The following ST7 variants were observed in gnomAD, a reference collection of about 807,000 sequenced individuals.
ST7 encodes suppression of tumorigenicity 7.
In ST7, 28 loss-of-function variants were observed where a neutral mutation model predicts 78.7. That is an observed-to-expected ratio of 0.36 (90% CI 0.26 to 0.49). The LOEUF is 0.49. ST7 is among the 20% of genes least tolerant of loss of function. ST7 has a pLI of 0.99. For synonymous variants in ST7, 247 were observed against 249.6 expected (o/e 0.99, Z 0.10); for missense variants, 418 against 696.0 (o/e 0.60, Z 4.49).
chr7:117,168,180 C>T (rs1377675781), intron 9 of ST7, among the ~76,000 whole-genome samples: 1 of 152,196 alleles, frequency 6.6e-6, no homozygotes, highest in Non-Finnish European at 1.5e-5. Context: ...ACACAGTATA[C>T]TCTGTCCAAG....
At chr7:117,116,200 A>G (rs1802870584) in intron 2 of ST7, among the ~76,000 whole-genome samples, 1 of 152,124 alleles carries the variant, frequency 6.6e-6, no homozygotes. Context: ...AGCGCAGGAG[A>G]GGTTAAGTTT....
chr7:117,089,641 G>A (rs1432818301), intron 1 of ST7, among the ~76,000 whole-genome samples: 4 of 149,032 alleles, frequency 2.7e-5, no homozygotes, highest in Admixed American at 1.3e-4. Flanking sequence ...GCGCGATCTC[G>A]GCTCACTGCA....
chr7:117,071,111 C>T (rs111984099), intron 1 of ST7, among the ~76,000 whole-genome samples: 2,194 of 151,860 alleles, frequency 0.014, 52 homozygotes, highest in African/African-American at 0.049. Flanking sequence ...CCCAGCTACT[C>T]GGGAGGCTGA....
In ST7 at chr7:117,062,673, T is replaced by C. The variant is rs143518193; in HGVS notation, c.152-37089T>C. ...AAATTTATGAGGTCTCCTTAAAAGA[T>C]ATAATCATTAATACAATAGTTTATC... On this transcript the variant is annotated intron_variant, in intron 1 of 15. Transcript: ENST00000323984. 4.2e-3 allele frequency among the ~76,000 whole-genome samples: 636 copies of C among 152,346 alleles called. 4 individuals carry two copies. Among genetic ancestry groups the C allele is most frequent in the Non-Finnish European group, 5.7e-3 (385 of 68,030 alleles).
chr7:117,213,208 G>A lies in ST7; in HGVS notation c.1405+3271G>A, dbSNP rs541800308. On this transcript the variant is annotated intron_variant, in intron 13 of 15. Transcript: ENST00000323984. ...ATTGTACCACTTGGTGGTGCCTTTT[G>A]ACATCTCCAGCCTCATAGTTTAGGT... Among the ~76,000 whole-genome samples the A allele has an allele frequency of 9.8e-4, 149 of 152,274 alleles. 5 individuals are homozygous for A. The South Asian group carries it at 0.019, about 20-fold the overall frequency.
chr7:116,978,471 A>C (rs912822460), intron 1 of ST7, among the ~76,000 whole-genome samples: 1 of 152,236 alleles, frequency 6.6e-6, no homozygotes, highest in Admixed American at 6.5e-5. Flanking sequence ...TAGTGGGATA[A>C]ATTAAATGCT....
At chr7:116,968,564 G>C in intron 1 of ST7, 1 of 338,674 alleles carries the variant, frequency 3.0e-6, no homozygotes, top group South Asian at 2.5e-5. Context: ...TAAATTCATT[G>C]AGTCATACTA....
chr7:117,079,598 C>G (rs1172670624), intron 1 of ST7, among the ~76,000 whole-genome samples: 1 of 152,126 alleles, frequency 6.6e-6, no homozygotes, highest in Non-Finnish European at 1.5e-5. Context: ...CTTGTTTTAA[C>G]TGAAATAAAA....
At chr7:116,993,027 C>T (rs1390535220) in intron 1 of ST7, among the ~76,000 whole-genome samples, 2 of 152,206 alleles carry the variant, frequency 1.3e-5, no homozygotes, top group South Asian at 2.1e-4. Context: ...TTGTCCATAT[C>T]GCTATCAGCA....
chr7:116,990,184 C>T (rs1320967029), intron 1 of ST7, among the ~76,000 whole-genome samples: 1 of 152,180 alleles, frequency 6.6e-6, no homozygotes, highest in Non-Finnish European at 1.5e-5. Flanking sequence ...GATCCACCTG[C>T]CTTGGCCTCC....
In ST7 at chr7:117,071,229, A is replaced by G. The variant is rs190491886; in HGVS notation, c.152-28533A>G. ...CAGAGCGAGACTCCGTCTCAAAACA[A>G]AAACAAAAACAAAAACAAAACAAAC... On this transcript the variant is annotated intron_variant, in intron 1 of 15. Coordinates refer to ENST00000323984, the MANE Select transcript of ST7 (RefSeq NM_001369598.1). Among the ~76,000 whole-genome samples, 781 of 151,514 alleles carry G rather than the reference A, an allele frequency of 5.2e-3. 5 individuals are homozygous for G. Among genetic ancestry groups the G allele is most frequent in the African/African-American group, 0.018 (741 of 40,866 alleles).
At chr7:117,092,002 G>A (rs1373800693) in intron 1 of ST7, among the ~76,000 whole-genome samples, 3 of 152,108 alleles carry the variant, frequency 2.0e-5, no homozygotes, top group Non-Finnish European at 2.9e-5. Context: ...TGTGGTCCAC[G>A]TGGCCACTTC....
chr7:117,183,661 T>C (rs1204471546), intron 10 of ST7, among the ~76,000 whole-genome samples: 1 of 152,172 alleles, frequency 6.6e-6, no homozygotes, highest in Non-Finnish European at 1.5e-5. Context: ...TATATTAGTT[T>C]TGCAAACTTC....
At chr7:117,180,694 G>T (rs944125092) in intron 10 of ST7, among the ~76,000 whole-genome samples, 1 of 152,186 alleles carries the variant, frequency 6.6e-6, no homozygotes, top group African/African-American at 2.4e-5. Context: ...CTGTCGCCTA[G>T]ACTGGAGTAC....
chr7:117,158,198 T>C (rs1370270302), intron 9 of ST7, among the ~76,000 whole-genome samples: 1 of 152,208 alleles, frequency 6.6e-6, no homozygotes, highest in East Asian at 1.9e-4. Flanking sequence ...TGGAGGACAA[T>C]CTTTGAAGAT....
At chr7:117,093,948 G>A (rs1036010464) in intron 1 of ST7, among the ~76,000 whole-genome samples, 1 of 152,134 alleles carries the variant, frequency 6.6e-6, no homozygotes, top group Non-Finnish European at 1.5e-5. Context: ...GTAAACCAAA[G>A]CCCCCTATTC....
intron 12 of ST7, among the ~76,000 whole-genome samples, chr7:117,193,110 T>C (rs978315592): frequency 2.6e-5 from 4 of 151,630 alleles, no homozygotes; most frequent in African/African-American, 9.7e-5. Context: ...ATTTCTAATA[T>C]ACAGTATGCA....
chr7:117,105,273 T>A (rs1366547058), intron 2 of ST7, among the ~76,000 whole-genome samples: 2 of 152,114 alleles, frequency 1.3e-5, no homozygotes, highest in Admixed American at 1.3e-4. Context: ...AAAAAGTGGA[T>A]CTCAAAGATA....
At chr7:117,128,810 G>A (rs1021933282) in intron 3 of ST7, among the ~76,000 whole-genome samples, 2 of 151,830 alleles carry the variant, frequency 1.3e-5, no homozygotes, top group African/African-American at 2.4e-5. Flanking sequence ...GAATCACCAC[G>A]TGGCCTTCAA....
Sources: gnomAD v4.1 joint callset for allele counts (sites outside exome capture counted in the v4.1 genomes callset) on GRCh38, gnomAD v4.1.1 for gene constraint, MANE v1.5 for transcripts, NCBI Gene and HGNC (gene_info 2026-07-23, HGNC 2026-07-21) for gene names.